PDS5B: variants seen among roughly 807,000 people sequenced by gnomAD.
PDS5B encodes PDS5 cohesin associated factor B.
A neutral mutation model predicts 184.1 loss-of-function variants in PDS5B; 51 were observed. The ratio of observed to expected loss-of-function variants is 0.28; its 90% confidence interval spans 0.22 to 0.35. PDS5B has a LOEUF of 0.35. Ranked by LOEUF, PDS5B falls within the 10% of genes least tolerant of loss-of-function variation. PDS5B has a pLI of 1.00. For synonymous variants in PDS5B, 566 were observed against 569.2 expected (o/e 0.99, Z 0.08); for missense variants, 1,180 against 1,723.3 (o/e 0.68, Z 5.58).
At chr13:32,603,101 A>G (rs2058004171) in intron 1 of PDS5B, among the ~76,000 whole-genome samples, 1 of 152,198 alleles carries the variant, frequency 6.6e-6, no homozygotes, top group South Asian at 2.1e-4. Flanking sequence ...TAGTTTAATT[A>G]GATCCCATTT....
intron 1 of PDS5B, among the ~76,000 whole-genome samples, chr13:32,614,223 T>G (rs778085981): frequency 1.3e-5 from 2 of 152,212 alleles, no homozygotes; most frequent in Admixed American, 1.3e-4. Context: ...TCCTTGAATT[T>G]CCATGTGAAT....
intron 23 of PDS5B, among the ~76,000 whole-genome samples, chr13:32,744,023 G>A (rs1047600558): frequency 5.9e-5 from 9 of 151,868 alleles, no homozygotes; most frequent in African/African-American, 9.7e-5. Context: ...ATTATATTCA[G>A]CTATATAAAC....
Position 32,688,451 on chromosome 13 carries a change from TG to T in PDS5B, c.1356-4del. On this transcript the variant is annotated splice_polypyrimidine_tract_variant and splice_region_variant and intron_variant, in intron 12 of 34. Coordinates refer to ENST00000315596, the MANE Select transcript of PDS5B (RefSeq NM_015032.4). ...CAATACAATGCCTTCTCTGCTTTTT[TG>T]TAGACTACTTGTTGAACGGATCTTT... is the stretch of plus-strand genomic sequence containing the variant. 6.8e-7 allele frequency: 1 copy of T among 1,477,212 alleles called. No homozygotes were observed. The highest frequency in any genetic ancestry group is 9.3e-7 in the Non-Finnish European group (1 of 1,074,212). The allele number at this position is 1,477,212 out of a possible 1,614,324, so 91.5% of individuals were successfully genotyped here.
Position 32,658,283 on chromosome 13 carries a change from T to A in PDS5B, c.357T>A (p.Asp119Glu). 6.5e-7 allele frequency: 1 copy of A among 1,528,686 alleles called. No homozygotes were observed. Among genetic ancestry groups the A allele is most frequent in the Non-Finnish European group, 9.0e-7 (1 of 1,105,834 alleles). The allele number at this position is 1,528,686 out of a possible 1,614,324, so 94.7% of individuals were successfully genotyped here. A position where few individuals can be genotyped will look rare whatever the true frequency, so the allele number is the denominator to read the frequency against. ...CAAGACAGTTGAAGGGGCTAGAGGA[T>A]ACAAAGAGCCCACAATTCAATAGGT... The part of the protein sequence containing the change: ...FITRQLKGLE[D>E]TKSPQFNRYF... Residue 119 changes from aspartate to glutamate, a missense_variant, in exon 4 of 35, where the codon GAT becomes GAA. By Grantham distance (45) the Asp-to-Glu change is conservative (BLOSUM62 2). Coordinates refer to ENST00000315596, the MANE Select transcript of PDS5B (RefSeq NM_015032.4).
At position 32,775,097 on chromosome 13, in the gene PDS5B, CTTT is replaced by C. The variant is rs368080614; in HGVS notation, c.*58_*60del. Reference sequence around the variant, plus strand: ...TTCTCTGTGAAAGCTTTGGAAAAATCTTTTTTTTTTTTTTTGGTCAAGCTTGAG... The same window carrying C: ...TTCTCTGTGAAAGCTTTGGAAAAATCTTTTTTTTTTTTGGTCAAGCTTGAG... On this transcript the variant is annotated 3_prime_UTR_variant, in exon 35 of 35. Transcript: ENST00000315596. The C allele has an allele frequency of 1.2e-4, 104 of 864,350 alleles. No individual in the cohort carries two copies. The highest frequency in any genetic ancestry group is 5.9e-4 in the African/African-American group (29 of 49,372). The allele number at this position is 864,350 out of a possible 1,614,324, so 53.5% of individuals were successfully genotyped here.
intron 7 of PDS5B, among the ~76,000 whole-genome samples, chr13:32,671,861 T>G (rs992059899): frequency 6.6e-6 from 1 of 152,294 alleles, no homozygotes; most frequent in Middle Eastern, 3.4e-3. Context: ...CTTGACTCCT[T>G]CTCCGCTGAG....
At chr13:32,688,299 T>C (rs1448195455) in intron 12 of PDS5B, among the ~76,000 whole-genome samples, 157 bp from the exon 13 acceptor site, 1 of 152,184 alleles carries the variant, frequency 6.6e-6, no homozygotes, top group Non-Finnish European at 1.5e-5. Flanking sequence ...GGTCCCCTTC[T>C]ATCTACAGAT....
intron 1 of PDS5B, among the ~76,000 whole-genome samples, chr13:32,640,277 C>T (rs534564595): frequency 5.3e-5 from 8 of 152,192 alleles, no homozygotes; most frequent in Admixed American, 5.2e-4. Flanking sequence ...GATGAAATCT[C>T]GCTGTCTCAC....
In PDS5B at chr13:32,706,485, C is replaced by T. The variant is rs539262115; in HGVS notation, c.1857-449C>T. On this transcript the variant is annotated intron_variant, in intron 17 of 34. Transcript: ENST00000315596. ...GGAGGAGGCCTAGGTATATTTCTGACTTTGACAGCTGTGCGTGACACACAG... is the reference window on the plus strand; with the variant it reads ...GGAGGAGGCCTAGGTATATTTCTGATTTTGACAGCTGTGCGTGACACACAG... 1.6e-3 allele frequency among the ~76,000 whole-genome samples: 237 copies of T among 152,130 alleles called. 1 individual carries two copies. Among genetic ancestry groups the T allele is most frequent in the Non-Finnish European group, 1.7e-3 (118 of 67,992 alleles).
At chr13:32,694,705 A>G (rs1270806766) in intron 14 of PDS5B, among the ~76,000 whole-genome samples, 1 of 151,854 alleles carries the variant, frequency 6.6e-6, no homozygotes, top group Non-Finnish European at 1.5e-5. Context: ...TTATGTAATT[A>G]AAGTTAGGTA....
chr13:32,674,528 A>G (rs1457153401), intron 8 of PDS5B, among the ~76,000 whole-genome samples: 1 of 152,026 alleles, frequency 6.6e-6, no homozygotes, highest in African/African-American at 2.4e-5. Context: ...TTTCTGAAGT[A>G]AAAATATTGA....
In PDS5B at chr13:32,764,581, C is replaced by T. The variant is rs779274141; in HGVS notation, c.3611C>T (p.Ser1204Phe). 6.3e-7 allele frequency: 1 copy of T among 1,577,836 alleles called. No individual in the cohort carries two copies. Among genetic ancestry groups the T allele is most frequent in the East Asian group, 2.3e-5 (1 of 44,060 alleles). Residue 1204 changes from serine (S) to phenylalanine (F), a missense_variant, in exon 31 of 35, where the codon TCT (serine) becomes TTT (phenylalanine). Transcript: ENST00000315596. ...PGKKSDKRDD[S>F]DLVRSELEKP... The stretch of plus-strand genomic sequence containing the variant: ...AAAAAAAGTGACAAGAGAGACGACT[C>T]TGATCTTGTAAGGGTGAGATATTTG...
chr13:32,760,508 G>T (rs1593629244), intron 29 of PDS5B, 67 bp from the exon 30 acceptor site: 2 of 1,440,634 alleles, frequency 1.4e-6, no homozygotes, highest in African/African-American at 1.4e-5. Flanking sequence ...TGTTATTTAT[G>T]GTTCTTTACA....
At chr13:32,694,691 A>G (rs1205064230) in intron 14 of PDS5B, among the ~76,000 whole-genome samples, 2 of 151,886 alleles carry the variant, frequency 1.3e-5, no homozygotes, top group Non-Finnish European at 2.9e-5. Context: ...GAAAGTTTCA[A>G]TAATTATGTA....
intron 24 of PDS5B, among the ~76,000 whole-genome samples, chr13:32,746,478 T>C (rs902328126): frequency 2.6e-5 from 4 of 152,198 alleles, no homozygotes; most frequent in Non-Finnish European, 1.5e-5. Flanking sequence ...AGACTATTTA[T>C]TATATATAGT....
At chr13:32,672,430 G>A (rs1950961717) in intron 7 of PDS5B, among the ~76,000 whole-genome samples, 1 of 152,120 alleles carries the variant, frequency 6.6e-6, no homozygotes, top group Non-Finnish European at 1.5e-5. Flanking sequence ...CATAGTGTAT[G>A]TATACACACA....
Position 32,760,806 on chromosome 13 carries a change from A to C in PDS5B, c.3518+86A>C. 3 of 1,234,318 alleles carry C rather than the reference A, an allele frequency of 2.4e-6. No individual in the cohort carries two copies. The South Asian group carries it at 4.5e-5, about 19-fold the overall frequency. 76.5% of individuals were successfully genotyped at this position (1,234,318 alleles called of 1,614,324 possible). Reference sequence around the variant, plus strand: ...GAAATAATATAATCCAAAATGTTTCATGTCAGTAAATGGAAAGTAATGTAT... The same window carrying C: ...GAAATAATATAATCCAAAATGTTTCCTGTCAGTAAATGGAAAGTAATGTAT... On this transcript the variant is annotated intron_variant, in intron 30 of 34. Coordinates refer to ENST00000315596, the MANE Select transcript of PDS5B (RefSeq NM_015032.4).
intron 1 of PDS5B, among the ~76,000 whole-genome samples, chr13:32,632,420 C>T (rs2058472169): frequency 6.6e-6 from 1 of 152,136 alleles, no homozygotes; most frequent in East Asian, 1.9e-4. Flanking sequence ...TACTCAACAC[C>T]ATTAATCATT....
intron 1 of PDS5B, among the ~76,000 whole-genome samples, chr13:32,613,245 G>A (rs1466438537): frequency 2.0e-5 from 3 of 152,174 alleles, no homozygotes; most frequent in Non-Finnish European, 4.4e-5. Flanking sequence ...TTTCTCTTGG[G>A]TATAAACATA....
Sources: allele counts gnomAD v4.1 joint callset (sites outside exome capture counted in the v4.1 genomes callset), GRCh38; gene constraint gnomAD v4.1.1; transcripts MANE v1.5; gene names NCBI Gene and HGNC (gene_info 2026-07-23, HGNC 2026-07-21).